ZMAT4: variants seen among roughly 807,000 people sequenced by gnomAD.
ZMAT4 encodes the protein zinc finger matrin-type 4.
In ZMAT4, 17 loss-of-function variants were observed where a neutral mutation model predicts 28.7. The observed-to-expected ratio is 0.59, with a 90% CI of 0.41 to 0.89. The LOEUF (loss-of-function observed/expected upper bound fraction) is 0.89, where lower values mean the gene tolerates loss of function less well. Among genes scored for constraint, ZMAT4 ranks in the 40% least tolerant of loss-of-function variants. The probability of loss-of-function intolerance (pLI) is 0.00; values close to 1 mark genes in which losing one functional copy is unlikely to be tolerated. For missense variants in ZMAT4, 240 were observed against 283.8 expected, an observed-to-expected ratio of 0.85 and a Z score of 1.11; for synonymous variants, 117 against 109.2, an observed-to-expected ratio of 1.07 and a Z score of -0.44.
chr8:40,640,816 G>T (rs535136724), intron 5 of ZMAT4, among the ~76,000 whole-genome samples: 1 of 151,520 alleles, frequency 6.6e-6, no homozygotes, highest in African/African-American at 2.4e-5. Flanking sequence ...AAAAATTAGC[G>T]GGCATGGTGG....
intron 1 of ZMAT4, among the ~76,000 whole-genome samples, chr8:40,843,435 G>T (rs1816769919): frequency 6.6e-6 from 1 of 152,126 alleles, no homozygotes; most frequent in East Asian, 1.9e-4. Context: ...GTTGCAAGAT[G>T]GGTCAGAACT....
At chr8:40,653,974 C>G (rs549326338) in intron 5 of ZMAT4, among the ~76,000 whole-genome samples, 1 of 152,244 alleles carries the variant, frequency 6.6e-6, no homozygotes, top group South Asian at 2.1e-4. Flanking sequence ...GTTGGTTCCT[C>G]CTTCATAGCA....
At chr8:40,773,339 C>A (rs1813460955) in intron 2 of ZMAT4, among the ~76,000 whole-genome samples, 1 of 152,150 alleles carries the variant, frequency 6.6e-6, no homozygotes. Context: ...CCTGCCCAGG[C>A]CACTGGGCTA....
intron 5 of ZMAT4, among the ~76,000 whole-genome samples, chr8:40,583,689 C>G (rs1429274215): frequency 1.3e-5 from 2 of 152,126 alleles, no homozygotes; most frequent in Non-Finnish European, 2.9e-5. Flanking sequence ...GGTCAGGGTA[C>G]AGCTTGCTCC....
chr8:40,648,558 C>A (rs1201398092), intron 5 of ZMAT4, among the ~76,000 whole-genome samples: 1 of 135,616 alleles, frequency 7.4e-6, no homozygotes, highest in African/African-American at 2.7e-5. Flanking sequence ...CGTTCAGATT[C>A]AGGAAATACA....
chr8:40,659,638 G>A (rs1478821192), intron 5 of ZMAT4, among the ~76,000 whole-genome samples: 4 of 152,024 alleles, frequency 2.6e-5, no homozygotes, highest in Non-Finnish European at 5.9e-5. Flanking sequence ...ATTCACAATC[G>A]AAGTTCACAG....
chr8:40,844,391 G>A (rs1816805824), intron 1 of ZMAT4, among the ~76,000 whole-genome samples: 1 of 152,144 alleles, frequency 6.6e-6, no homozygotes, highest in Non-Finnish European at 1.5e-5. Context: ...GCAGAGAAGG[G>A]TGAGTTTGCT....
intron 2 of ZMAT4, among the ~76,000 whole-genome samples, chr8:40,788,454 G>A (rs554346052): frequency 4.6e-5 from 7 of 152,156 alleles, no homozygotes; most frequent in African/African-American, 1.2e-4. Flanking sequence ...GCGTGGTGGC[G>A]GGTGCCTGTA....
intron 3 of ZMAT4, among the ~76,000 whole-genome samples, chr8:40,708,645 G>T (rs1810471877): frequency 3.2e-5 from 3 of 93,004 alleles, no homozygotes; most frequent in African/African-American, 7.9e-5. Flanking sequence ...AAGCAATCTT[G>T]ATTTTTTTTT....
Position 40,621,480 on chromosome 8 carries a change from G to A in ZMAT4, c.578-40219C>T, listed in dbSNP as rs1054528608. Among the ~76,000 whole-genome samples, 4 of 152,204 alleles carry A rather than the reference G, an allele frequency of 2.6e-5. No individual in the cohort carries two copies. In the East Asian group the frequency reaches 7.7e-4, roughly 29 times the overall value. ...GCTGATAATTTGCAAAGATCCAGGG[G>A]TTCTGAAATTGGAACAGATAATAAG... On this transcript the variant is annotated intron_variant, in intron 5 of 6. Coordinates refer to ENST00000297737, the MANE Select transcript of ZMAT4 (RefSeq NM_024645.3).
intron 4 of ZMAT4, chr8:40,690,850 AT>A: frequency 1.0e-6 from 1 of 953,724 alleles, no homozygotes; most frequent in Non-Finnish European, 1.2e-6. Context: ...AACCAATAAG[AT>A]TTTAGAAGAG....
intron 5 of ZMAT4, among the ~76,000 whole-genome samples, chr8:40,609,795 TC>T (rs1294802793): frequency 2.0e-5 from 3 of 152,170 alleles, no homozygotes; most frequent in Non-Finnish European, 2.9e-5. Flanking sequence ...ACCTTGGCTT[TC>T]CCCCAGTTTT....
rs529210444 is a variant in ZMAT4, at chr8:40,743,466, C to T, written c.192+24175G>A. On this transcript the variant is annotated intron_variant, in intron 3 of 6. Transcript: ENST00000297737. The stretch of plus-strand genomic sequence containing the variant: ...GCCAGGATGTCAGCTTCGCAAGGGA[C>T]GTTCTGCACTGACAGAGGTCTGGCT... 2.8e-4 allele frequency among the ~76,000 whole-genome samples: 42 copies of T among 152,196 alleles called. 1 individual carries two copies. Among genetic ancestry groups the T allele is most frequent in the Admixed American group, 6.5e-4 (10 of 15,278 alleles).
In ZMAT4 at chr8:40,767,799, G is replaced by A. The variant is rs1036876453; in HGVS notation, c.103-69C>T. 16 of 1,305,820 alleles carry A rather than the reference G, an allele frequency of 1.2e-5. No homozygotes were observed. The African/African-American group carries it at 2.4e-4, about 19-fold the overall frequency. The allele number at this position is 1,305,820 out of a possible 1,614,324, so 80.9% of individuals were successfully genotyped here. On this transcript the variant is annotated intron_variant, in intron 2 of 6. Coordinates refer to ENST00000297737, the MANE Select transcript of ZMAT4 (RefSeq NM_024645.3). ...TTTCAAACCCTTTGAAACCTAGCCA[G>A]TGCCCGCAAATGCAAAAAGAAATGT...
At chr8:40,882,197 G>A (rs961113300) in intron 1 of ZMAT4, among the ~76,000 whole-genome samples, 1 of 152,164 alleles carries the variant, frequency 6.6e-6, no homozygotes, top group Non-Finnish European at 1.5e-5. Flanking sequence ...GCTCAGGTTA[G>A]AGAGATCGAT....
intron 5 of ZMAT4, among the ~76,000 whole-genome samples, chr8:40,630,923 C>T (rs1470211966): frequency 6.6e-6 from 1 of 152,228 alleles, no homozygotes; most frequent in South Asian, 2.1e-4. Context: ...CCTAATGCAT[C>T]CAGATACTAT....
At position 40,868,746 on chromosome 8, in the gene ZMAT4, T is replaced by C. The variant is rs1468721066; in HGVS notation, c.-5+28937A>G. 3.0e-4 allele frequency among the ~76,000 whole-genome samples: 46 copies of C among 152,320 alleles called. 1 individual carries two copies. On this transcript the variant is annotated intron_variant, in intron 1 of 6. Coordinates refer to ENST00000297737, the MANE Select transcript of ZMAT4 (RefSeq NM_024645.3). ...TGATCTCTAATGCTGCATTCTTGCC[T>C]TAACAGGCTTTTGAGAAGTGCCTGC...
rs187091248 is a variant in ZMAT4, at chr8:40,586,695, C to T, written c.578-5434G>A. ...CTAGCAAAGCTAGAAGTCCCTATGA[C>T]TTCAATTGTATCCATTCTACATTAG... On this transcript the variant is annotated intron_variant, in intron 5 of 6. Coordinates refer to ENST00000297737, the MANE Select transcript of ZMAT4 (RefSeq NM_024645.3). Among the ~76,000 whole-genome samples the T allele has an allele frequency of 3.4e-3, 514 of 152,288 alleles. 1 individual carries two copies. The highest frequency in any genetic ancestry group is 4.7e-3 in the Non-Finnish European group (319 of 68,032).
chr8:40,635,079 C>T (rs1806741578), intron 5 of ZMAT4, among the ~76,000 whole-genome samples: 1 of 152,120 alleles, frequency 6.6e-6, no homozygotes, highest in Non-Finnish European at 1.5e-5. Context: ...TCTATGAGTA[C>T]ACTGTTCAAC....
Sources: allele counts gnomAD v4.1 joint callset (sites outside exome capture counted in the v4.1 genomes callset), GRCh38; gene constraint gnomAD v4.1.1; transcripts MANE v1.5; gene names NCBI Gene and HGNC (gene_info 2026-07-23, HGNC 2026-07-21).